The following TSPEAR variants were observed in gnomAD, a reference collection of about 807,000 sequenced individuals.
TSPEAR encodes thrombospondin-type laminin G domain and EAR repeat-containing protein.
Under a neutral mutation model 71.6 loss-of-function variants are expected in TSPEAR, and 69 were observed. The observed-to-expected ratio is 0.96, with a 90% CI of 0.79 to 1.18. The LOEUF (loss-of-function observed/expected upper bound fraction) is 1.18. Among genes scored for constraint, TSPEAR ranks in the 50% most tolerant of loss-of-function variants. The probability of loss-of-function intolerance (pLI) is 0.00; values close to 1 mark genes in which losing one functional copy is unlikely to be tolerated. For missense variants in TSPEAR, 971 were observed against 894.9 expected (o/e 1.09, Z -1.09); for synonymous variants, 402 against 387.2 (o/e 1.04, Z -0.45).
chr21:44,588,402 C>CAG (rs2146115140), intron 1 of TSPEAR, among the ~76,000 whole-genome samples: 1 of 152,158 alleles, frequency 6.6e-6, no homozygotes, highest in African/African-American at 2.4e-5. Flanking sequence ...ATGTGGTGAA[C>CAG]AGGGAAGACT....
chr21:44,603,388 G>A (rs1981106578), intron 1 of TSPEAR, among the ~76,000 whole-genome samples: 1 of 152,190 alleles, frequency 6.6e-6, no homozygotes, highest in South Asian at 2.1e-4. Flanking sequence ...GGGACCCTGT[G>A]GTGAGTCCCC....
At chr21:44,516,042 C>T (rs1370843809) in intron 9 of TSPEAR, 2 of 152,276 alleles carry the variant, frequency 1.3e-5, no homozygotes, top group African/African-American at 4.8e-5. Flanking sequence ...CGCTTACCGC[C>T]GTGTGTTTGT....
intron 1 of TSPEAR, among the ~76,000 whole-genome samples, chr21:44,700,797 A>G (rs1412634321): frequency 6.6e-6 from 1 of 152,254 alleles, no homozygotes; most frequent in African/African-American, 2.4e-5. Flanking sequence ...CAATAAAAAC[A>G]GTGGCTGACC....
chr21:44,539,289 C>T lies in TSPEAR; in HGVS notation c.304-5366G>A, dbSNP rs1245574805. 5.0e-6 allele frequency: 8 copies of T among 1,605,898 alleles called. No individual in the cohort carries two copies. The African/African-American group carries it at 9.4e-5, about 19-fold the overall frequency. ...GCCCATCAGCAGCTGGACTCCTGGC[C>T]TGAGCAGAGGCCTCAGCAGGCCGGG... On this transcript the variant is annotated intron_variant, in intron 2 of 11. Coordinates refer to ENST00000323084, the MANE Select transcript of TSPEAR (RefSeq NM_144991.3).
chr21:44,574,459 G>A (rs1467336415), intron 1 of TSPEAR: 2 of 1,601,386 alleles, frequency 1.2e-6, no homozygotes, highest in Non-Finnish European at 1.7e-6. Flanking sequence ...CCCGTCTGCT[G>A]CAAGACTGTC....
chr21:44,612,613 C>T lies in TSPEAR; in HGVS notation c.83-44608G>A, dbSNP rs782462611. On this transcript the variant is annotated intron_variant, in intron 1 of 11. Coordinates refer to ENST00000323084, the MANE Select transcript of TSPEAR (RefSeq NM_144991.3). The surrounding 1 kb of genome is among the most constrained non-coding windows in gnomAD (Gnocchi z 4.1). ...AGGCCTGCTGTGTGCCCATCTGCTG[C>T]AAGCCCATCTGCTGTGTGCCTGTCT... is the stretch of plus-strand genomic sequence containing the variant. 1 of 1,613,990 alleles carries T rather than the reference C, an allele frequency of 6.2e-7. No individual in the cohort carries two copies. The highest frequency in any genetic ancestry group is 2.2e-5 in the East Asian group (1 of 44,886).
chr21:44,597,471 C>A (rs372739225), intron 1 of TSPEAR, among the ~76,000 whole-genome samples: 1 of 144,450 alleles, frequency 6.9e-6, no homozygotes, highest in Non-Finnish European at 1.5e-5. Context: ...TCACTCTTGT[C>A]GCCCAGGCTG....
intron 1 of TSPEAR, chr21:44,574,501 C>G: frequency 6.2e-7 from 1 of 1,612,424 alleles, no homozygotes; most frequent in Non-Finnish European, 8.5e-7. Context: ...GAGGATTCCT[C>G]TTCATGCTGC....
At chr21:44,635,680 C>G (rs73907086) in intron 1 of TSPEAR, among the ~76,000 whole-genome samples, 6,082 of 133,766 alleles carry the variant, frequency 0.045, 418 homozygotes, top group African/African-American at 0.16. Flanking sequence ...TTAATAGTAC[C>G]GGGGTTCCTT....
chr21:44,529,107 G>A (rs2052914716), intron 5 of TSPEAR, among the ~76,000 whole-genome samples: 1 of 152,198 alleles, frequency 6.6e-6, no homozygotes, highest in African/African-American at 2.4e-5. Flanking sequence ...TATACCATGC[G>A]GCCCGGATGT....
chr21:44,558,320 A>C, intron 2 of TSPEAR: 1 of 1,613,902 alleles, frequency 6.2e-7, no homozygotes, highest in South Asian at 1.1e-5. Context: ...ATGAAGAGGA[A>C]GCCCCAGAGC....
intron 1 of TSPEAR, among the ~76,000 whole-genome samples, chr21:44,569,212 C>G (rs587657620): frequency 2.0e-5 from 3 of 152,320 alleles, no homozygotes; most frequent in Admixed American, 6.5e-5. Flanking sequence ...TGCAGAAGAG[C>G]CTACCCTGGA....
At position 44,593,850 on chromosome 21, in the gene TSPEAR, G is replaced by A. The variant is rs1035739058; in HGVS notation, c.83-25845C>T. Among the ~76,000 whole-genome samples the A allele has an allele frequency of 6.6e-6, 1 of 152,164 alleles. No homozygotes were observed. Among genetic ancestry groups the A allele is most frequent in the African/African-American group, 2.4e-5 (1 of 41,446 alleles). On this transcript the variant is annotated intron_variant, in intron 1 of 11. Transcript: ENST00000323084. The surrounding 1 kb of genome is among the most constrained non-coding windows in gnomAD (Gnocchi z 5.9). The stretch of plus-strand genomic sequence containing the variant: ...CGATGAGGATGAGCAAGGTTCAAAC[G>A]ACTGCAGCTCATCCACCAGCAGATG...
chr21:44,647,485 T>C, intron 1 of TSPEAR: 1 of 1,113,838 alleles, frequency 9.0e-7, no homozygotes, highest in Non-Finnish European at 1.3e-6. Context: ...CTGAAGGGGA[T>C]TTTGAGCGCG....
rs150388850 is a variant in TSPEAR, at chr21:44,564,495, C to T, written c.303+3290G>A. ...AAATTGGAGTAGCCCAACTGCTGTCCGATAAAATAAATTTTAAAACAAAAA... is the reference window on the plus strand; with the variant it reads ...AAATTGGAGTAGCCCAACTGCTGTCTGATAAAATAAATTTTAAAACAAAAA... On this transcript the variant is annotated intron_variant, in intron 2 of 11. Transcript: ENST00000323084. 2.7e-3 allele frequency among the ~76,000 whole-genome samples: 408 copies of T among 151,820 alleles called. 1 individual carries two copies. The highest frequency in any genetic ancestry group is 4.5e-3 in the Admixed American group (69 of 15,256).
At chr21:44,671,332 TGCATCCAA>T in intron 1 of TSPEAR, among the ~76,000 whole-genome samples, 1 of 152,354 alleles carries the variant, frequency 6.6e-6, no homozygotes, top group South Asian at 2.1e-4. Flanking sequence ...GACCCATCCA[TGCATCCAA>T]CCCACTGCTG....
intron 1 of TSPEAR, among the ~76,000 whole-genome samples, chr21:44,636,089 C>T (rs73907093): frequency 0.035 from 5,324 of 152,104 alleles, 333 homozygotes; most frequent in African/African-American, 0.12. Flanking sequence ...ATTAATCTTC[C>T]ACCTGTCATG....
rs188135975 is a variant in TSPEAR at position 44,542,333 on chromosome 21, A to T, written c.304-8410T>A. Among the ~76,000 whole-genome samples the T allele has an allele frequency of 3.4e-3, 525 of 152,354 alleles. 6 individuals are homozygous for T. The highest frequency in any genetic ancestry group is 5.7e-3 in the Non-Finnish European group (388 of 68,036). On this transcript the variant is annotated intron_variant, in intron 2 of 11. Transcript: ENST00000323084. ...ATAAACATGCCTATATTTTGTGAAA[A>T]TTTATGGGAAAAATGATTGAAATCC...
intron 2 of TSPEAR, among the ~76,000 whole-genome samples, chr21:44,565,185 G>T (rs1483624264): frequency 6.6e-6 from 1 of 152,070 alleles, no homozygotes; most frequent in African/African-American, 2.4e-5. Flanking sequence ...TATTAAGAAA[G>T]ATCTCAAATC....
Sources: gnomAD v4.1 joint callset for allele counts (sites outside exome capture counted in the v4.1 genomes callset) on GRCh38, gnomAD v4.1.1 for gene constraint, Gnocchi (gnomAD v3.1) non-coding constraint, MANE v1.5 for transcripts, NCBI Gene and HGNC (gene_info 2026-07-23, HGNC 2026-07-21) for gene names.